The following ZNF318 variants were observed in gnomAD, a reference collection of about 807,000 sequenced individuals.
ZNF318 encodes zinc finger protein 318.
A neutral mutation model predicts 124.2 loss-of-function variants in ZNF318; 51 were observed. The ratio of observed to expected loss-of-function variants is 0.41; its 90% CI spans 0.33 to 0.52. The LOEUF is 0.52. Among genes scored for constraint, ZNF318 ranks in the 20% least tolerant of loss-of-function variants. The pLI is 0.23. For missense variants in ZNF318, 2,815 were observed against 2,811.2 expected, an observed-to-expected ratio of 1.00 and a Z score of -0.03; for synonymous variants, 1,090 against 1,040.7, an observed-to-expected ratio of 1.05 and a Z score of -0.91.
At chr6:43,361,164 T>C (rs1428967165) in intron 2 of ZNF318, among the ~76,000 whole-genome samples, 5 of 152,220 alleles carry the variant, frequency 3.3e-5, no homozygotes, top group Non-Finnish European at 5.9e-5. Flanking sequence ...TTCTTTTCTG[T>C]TGATGAGTCC....
chr6:43,365,519 A>C, intron 1 of ZNF318, 79 bp from the exon 2 acceptor site: 2 of 1,478,358 alleles, frequency 1.4e-6, no homozygotes, highest in Non-Finnish European at 9.2e-7. Context: ...CCCTAGTTAC[A>C]AAGTTAGCCA....
chr6:43,356,644 C>A (rs1238612766), intron 3 of ZNF318, among the ~76,000 whole-genome samples: 2 of 152,122 alleles, frequency 1.3e-5, no homozygotes, highest in Non-Finnish European at 2.9e-5. Context: ...GGAAAAATAT[C>A]AAGGCTCAGA....
chr6:43,351,389 G>A (rs1442869650), intron 5 of ZNF318, among the ~76,000 whole-genome samples: 1 of 152,152 alleles, frequency 6.6e-6, no homozygotes. Flanking sequence ...GTGTATTAAA[G>A]TTATGTACCT....
In ZNF318 at chr6:43,339,057, T is replaced by G. The variant is rs759368487; in HGVS notation, c.4941A>C (p.Ala1647=). 1.2e-6 allele frequency: 2 copies of G among 1,614,230 alleles called. No individual in the cohort carries two copies. Among genetic ancestry groups the G allele is most frequent in the South Asian group, 2.2e-5 (2 of 91,088 alleles). ...PIVSNSEKPI[A]KTLVALGKWS... ...ATTTCCCTAGGGCCACCAGAGTTTT[T>G]GCAATGGGCTTTTCAGAGTTGCTAA... Residue 1647 remains alanine (A), a synonymous_variant, in exon 10 of 10, where the codon GCA becomes GCC. Coordinates refer to ENST00000361428, the MANE Select transcript of ZNF318 (RefSeq NM_014345.3). The surrounding 1 kb of genome is among the most constrained non-coding windows in gnomAD (Gnocchi z 4.2).
intron 2 of ZNF318, chr6:43,364,263 G>A: frequency 1.8e-6 from 1 of 547,340 alleles, no homozygotes. Context: ...TCTGTGCAGA[G>A]GACGTAGGCT....
chr6:43,367,638 TCAGA>T (rs1034832796), intron 1 of ZNF318, among the ~76,000 whole-genome samples: 8 of 152,202 alleles, frequency 5.3e-5, no homozygotes, highest in African/African-American at 1.7e-4. Flanking sequence ...TGCTATTTAC[TCAGA>T]CAGAAAAGAC....
chr6:43,348,523 T>C lies in ZNF318; in HGVS notation c.2873A>G (p.Glu958Gly). 1 of 1,614,192 alleles carries C rather than the reference T, an allele frequency of 6.2e-7. No individual in the cohort carries two copies. Among genetic ancestry groups the C allele is most frequent in the African/African-American group, 1.3e-5 (1 of 75,036 alleles). The change falls in exon 6 of 10, where the codon GAG (glutamate) becomes GGG (glycine). Residue 958 changes from glutamate to glycine, a missense_variant. Transcript: ENST00000361428. Reference protein sequence around the residue: ...LQDNIMKDIAELRQEAEEAEK... With the variant: ...LQDNIMKDIAGLRQEAEEAEK... The stretch of plus-strand genomic sequence containing the variant: ...TGCCTCTTCTGCCTCTTGCCGTAGC[T>C]CTGCAATGTCCTTCATAATGTTATC...
intron 2 of ZNF318, among the ~76,000 whole-genome samples, chr6:43,358,497 A>C (rs1038705965): frequency 2.7e-5 from 4 of 146,310 alleles, no homozygotes; most frequent in Admixed American, 7.0e-5. Context: ...CTCCTGACCT[A>C]GTGATCAGCC....
intron 6 of ZNF318, among the ~76,000 whole-genome samples, chr6:43,345,443 G>C (rs899805572): frequency 6.6e-6 from 1 of 152,146 alleles, no homozygotes; most frequent in Non-Finnish European, 1.5e-5. Flanking sequence ...CCTTACTGCT[G>C]AGATGAAAAC....
At position 43,365,895 on chromosome 6, in the gene ZNF318, T is replaced by C. The variant is rs576194369; in HGVS notation, c.400-455A>G. ...TTAAAAATTATCATTTTCTTAGAGA[T>C]ATAAGCCCATACCTCTAACTCTCCT... is the stretch of plus-strand genomic sequence containing the variant. On this transcript the variant is annotated intron_variant, in intron 1 of 9. Transcript: ENST00000361428. 3.3e-4 allele frequency among the ~76,000 whole-genome samples: 50 copies of C among 152,320 alleles called. 1 individual carries two copies. The South Asian group carries it at 0.01, about 31-fold the overall frequency.
intron 4 of ZNF318, 32 bp from the exon 5 acceptor site, chr6:43,352,508 C>T (rs1020978784): frequency 6.4e-7 from 1 of 1,567,200 alleles, no homozygotes; most frequent in African/African-American, 1.3e-5. Flanking sequence ...GAGAGTCCAT[C>T]TCCTCCAACA....
At position 43,357,679 on chromosome 6, in the gene ZNF318, G is replaced by A. The variant is rs1779628677; in HGVS notation, c.635C>T (p.Pro212Leu). The change falls in exon 3 of 10, where the codon CCT becomes CTT. Residue 212 changes from proline (P) to leucine (L), a missense_variant. Coordinates refer to ENST00000361428, the MANE Select transcript of ZNF318 (RefSeq NM_014345.3). ...AAGTTGTCCCAAGAAGGGACTGAGAGGCCCTTCCTCCTGGGAAATATATCG... is the reference window on the plus strand; with the variant it reads ...AAGTTGTCCCAAGAAGGGACTGAGAAGCCCTTCCTCCTGGGAAATATATCG... ...LERYISQEEGPLSPFLGQLDE... is the reference protein window; with the variant it reads ...LERYISQEEGLLSPFLGQLDE... The A allele has an allele frequency of 6.2e-7, 1 of 1,613,434 alleles. No individual in the cohort carries two copies. Among genetic ancestry groups the A allele is most frequent in the South Asian group, 1.1e-5 (1 of 91,072 alleles).
chr6:43,357,346 C>T lies in ZNF318; in HGVS notation c.968G>A (p.Arg323Gln), dbSNP rs759697564. Residue 323 changes from arginine to glutamine, a missense_variant, in exon 3 of 10, where the codon CGA becomes CAA. Physicochemically the swap from Arg to Gln is conservative, Grantham distance 43. This residue lies in a region of ZNF318 where 1,377 missense variants were observed against 1,353.5 expected (regional missense o/e 1.02). Transcript: ENST00000361428. ...PEFRELDLAR[R>Q]KREEEEERSR... Reference sequence around the variant, plus strand: ...TCGCTCCTCCTCTTCCTCTCGCTTTCGTCTGGCAAGATCCAGTTCTCGAAA... The same window carrying T: ...TCGCTCCTCCTCTTCCTCTCGCTTTTGTCTGGCAAGATCCAGTTCTCGAAA... The T allele has an allele frequency of 5.6e-6, 9 of 1,614,030 alleles. No homozygotes were observed. Among genetic ancestry groups the T allele is most frequent in the African/African-American group, 1.3e-5 (1 of 74,914 alleles).
chr6:43,365,475 G>T, intron 1 of ZNF318, 35 bp from the exon 2 acceptor site: 1 of 1,592,138 alleles, frequency 6.3e-7, no homozygotes, highest in Non-Finnish European at 8.6e-7. Context: ...TTAGTCAATA[G>T]GGTCAAGACA....
In ZNF318 at chr6:43,343,747, T is replaced by A. The variant is rs139507700; in HGVS notation, c.3073-868A>T. 3.0e-4 allele frequency among the ~76,000 whole-genome samples: 45 copies of A among 149,138 alleles called. 2 individuals are homozygous for A. The highest frequency in any genetic ancestry group is 1.0e-3 in the African/African-American group (42 of 40,358). On this transcript the variant is annotated intron_variant, in intron 6 of 9. Transcript: ENST00000361428. The stretch of plus-strand genomic sequence containing the variant: ...GGGAGGTTGAGGCACGAGAATCACT[T>A]GAACCCAGGAGGCGGAGGTTGCAGT...
intron 2 of ZNF318, among the ~76,000 whole-genome samples, chr6:43,362,046 C>G (rs760353689): frequency 6.6e-6 from 1 of 152,096 alleles, no homozygotes; most frequent in African/African-American, 2.4e-5. Context: ...GTATTCCTAG[C>G]TACTTGGGAG....
rs1292725603 is a variant in ZNF318, at chr6:43,369,201, G to A, written c.165C>T (p.Arg55=). ...PSGSSSRTPA[R]RPRSPSGHRG... is the part of the protein sequence containing the mutation. The stretch of plus-strand genomic sequence containing the variant: ...GGTGCCCTGAGGGCGAGCGGGGTCG[G>A]CGAGCCGGGGTCCGCGACGAGGAGC... Residue 55 remains arginine (R), a synonymous_variant, in exon 1 of 10, where the codon CGC becomes CGT. Transcript: ENST00000361428. 1.7e-6 allele frequency: 2 copies of A among 1,210,780 alleles called. No homozygotes were observed. The highest frequency in any genetic ancestry group is 4.4e-5 in the Admixed American group (1 of 22,560). The allele number at this position is 1,210,780 out of a possible 1,614,324, so 75.0% of individuals were successfully genotyped here.
chr6:43,357,524 A>C lies in ZNF318; in HGVS notation c.790T>G (p.Ser264Ala). The change falls in exon 3 of 10, where the codon TCT becomes GCT. Residue 264 changes from serine (S) to alanine (A), a missense_variant. Ser to Ala is a moderately conservative substitution (Grantham distance 99). This residue lies in a region of ZNF318 where 1,377 missense variants were observed against 1,353.5 expected (regional missense o/e 1.02). Transcript: ENST00000361428. The stretch of plus-strand genomic sequence containing the variant: ...TTGGCCTCCCGGCTCCTTTCTTCAG[A>C]TCGTATGGAGTAGCCTTTGAGTTTT... ...REKLKGYSIR[S>A]EERSREAKRP... The C allele has an allele frequency of 6.2e-7, 1 of 1,614,002 alleles. No individual in the cohort carries two copies. The highest frequency in any genetic ancestry group is 8.5e-7 in the Non-Finnish European group (1 of 1,180,006).
chr6:43,338,330 G>A lies in ZNF318; in HGVS notation c.5668C>T (p.Pro1890Ser). 2 of 1,614,094 alleles carry A rather than the reference G, an allele frequency of 1.2e-6. No homozygotes were observed. The highest frequency in any genetic ancestry group is 1.3e-5 in the African/African-American group (1 of 75,018). ...PQDTPVKISA[P>S]ELLLHSPARS... ...GCTGGGGAATGAAGCAGCAACTCTG[G>A]GGCAGAAATTTTCACAGGTGTATCT... The change falls in exon 10 of 10, where the codon CCA (proline) becomes TCA (serine). Residue 1890 changes from proline to serine, a missense_variant. Pro to Ser is a moderately conservative substitution (Grantham distance 74). This residue lies in a region of ZNF318 where 927 missense variants were observed against 820.6 expected (regional missense o/e 1.13). Transcript: ENST00000361428.
Sources: gnomAD v4.1 joint callset for allele counts (sites outside exome capture counted in the v4.1 genomes callset) on GRCh38, gnomAD v4.1.1 for gene constraint, gnomAD v4.1.1 regional missense constraint, Gnocchi (gnomAD v3.1) non-coding constraint, MANE v1.5 for transcripts, NCBI Gene and HGNC (gene_info 2026-07-23, HGNC 2026-07-21) for gene names.